Variants in CNTRL observed in about 807,000 individuals in gnomAD.
CNTRL encodes centriolin.
Under a neutral mutation model 303.7 loss-of-function variants are expected in CNTRL, and 233 were observed. The ratio of observed to expected loss-of-function variants is 0.77; its 90% CI spans 0.69 to 0.86. The LOEUF (loss-of-function observed/expected upper bound fraction) is 0.86. Ranked by LOEUF, CNTRL falls within the 40% of genes least tolerant of loss-of-function variation. CNTRL has a pLI of 0.00. For missense variants in CNTRL, 2,524 were observed against 2,650.6 expected (o/e 0.95, Z 1.05); for synonymous variants, 900 against 922.2 (o/e 0.98, Z 0.44).
intron 32 of CNTRL, chr9:121,161,297 G>A (rs1359380522): frequency 4.6e-6 from 2 of 438,986 alleles, no homozygotes; most frequent in Non-Finnish European, 8.5e-6. Flanking sequence ...TCTACAGTAA[G>A]CAAGTATCTC....
chr9:121,170,477 A>G (rs538369819), intron 39 of CNTRL, among the ~76,000 whole-genome samples: 1 of 151,534 alleles, frequency 6.6e-6, no homozygotes, highest in African/African-American at 2.4e-5. Context: ...TATTTTCAAG[A>G]CAGAGTCTTG....
rs1444044310 is a variant in CNTRL at position 121,135,983 on chromosome 9, G to A, written c.2202+1G>A. On this transcript the variant is annotated splice_donor_variant, in intron 15 of 43. Coordinates refer to ENST00000373855, the MANE Select transcript of CNTRL (RefSeq NM_007018.6). LOFTEE classifies it high-confidence loss of function. ...GGAAAAAGTAACAAGACTTACCCAG[G>A]TAAGTAGGAGCATGAAGCCAACTGC... 6.3e-7 allele frequency: 1 copy of A among 1,592,922 alleles called. No homozygotes were observed. Among genetic ancestry groups the A allele is most frequent in the Admixed American group, 1.7e-5 (1 of 58,228 alleles).
intron 7 of CNTRL, among the ~76,000 whole-genome samples, chr9:121,106,523 G>C (rs1003472808): frequency 6.6e-6 from 1 of 152,040 alleles, no homozygotes; most frequent in African/African-American, 2.4e-5. Context: ...TGTTGCTGTG[G>C]TGGTGGGAAA....
Position 121,124,024 on chromosome 9 carries a change from C to G in CNTRL, c.1744C>G (p.Leu582Val), listed in dbSNP as rs2050375008. The change falls in exon 13 of 44, where the codon CTT becomes GTT. Residue 582 changes from leucine to valine, a missense_variant. Leu to Val is a conservative substitution (Grantham distance 32). Transcript: ENST00000373855. ...QQLESRLDEI[L>V]SRIAKETEEI... ...ACTTGAAAGTCGTTTGGATGAGATA[C>G]TTTCTAGAATTGCTAAGGAAACGGA... 6.2e-7 allele frequency: 1 copy of G among 1,612,668 alleles called. No individual in the cohort carries two copies. Among genetic ancestry groups the G allele is most frequent in the Non-Finnish European group, 8.5e-7 (1 of 1,179,398 alleles).
chr9:121,089,858 T>C (rs1234430688), intron 3 of CNTRL, among the ~76,000 whole-genome samples: 2 of 152,122 alleles, frequency 1.3e-5, no homozygotes, highest in African/African-American at 4.8e-5. Flanking sequence ...ATATTAATAA[T>C]TTCTATCTCA....
intron 2 of CNTRL, among the ~76,000 whole-genome samples, chr9:121,082,969 CAAA>C (rs71370624): frequency 9.1e-6 from 1 of 109,870 alleles, no homozygotes; most frequent in African/African-American, 3.8e-5. Flanking sequence ...GACTCCCTCT[CAAA>C]AAAAAAAAAA....
At chr9:121,085,728 TAATTCCCTTTAACG>T (rs1347652257) in intron 2 of CNTRL, among the ~76,000 whole-genome samples, 2 of 152,196 alleles carry the variant, frequency 1.3e-5, no homozygotes, top group Admixed American at 6.5e-5. Flanking sequence ...AGAGGATGTT[TAATTCCCTTTAACG>T]AATTCCCTTT....
At chr9:121,110,380 A>G (rs1036884535) in intron 8 of CNTRL, among the ~76,000 whole-genome samples, 4 of 152,280 alleles carry the variant, frequency 2.6e-5, no homozygotes, top group Non-Finnish European at 5.9e-5. Context: ...CAGAATGACA[A>G]TAAAATACAT....
At chr9:121,148,410 A>G (rs2052007371) in intron 23 of CNTRL, among the ~76,000 whole-genome samples, 1 of 152,162 alleles carries the variant, frequency 6.6e-6, no homozygotes, top group Admixed American at 6.5e-5. Flanking sequence ...CATTACCCAC[A>G]TAGCCCTCCT....
intron 2 of CNTRL, among the ~76,000 whole-genome samples, chr9:121,084,886 C>G (rs879299612): frequency 6.6e-6 from 1 of 152,124 alleles, no homozygotes; most frequent in African/African-American, 2.4e-5. Flanking sequence ...CAGTGCTAAA[C>G]CATTCTGAGC....
intron 40 of CNTRL, among the ~76,000 whole-genome samples, chr9:121,172,927 T>C (rs951056274): frequency 1.7e-4 from 26 of 152,210 alleles, no homozygotes; most frequent in Non-Finnish European, 3.2e-4. Context: ...GTCATACTGG[T>C]AATACTGGAA....
Position 121,162,137 on chromosome 9 carries a change from G to A in CNTRL, c.5289G>A (p.Arg1763=). The change falls in exon 34 of 44, where the codon AGG becomes AGA. Residue 1763 remains arginine (R), a synonymous_variant. Transcript: ENST00000373855. Reference sequence around the variant, plus strand: ...AGTGGCAGAAGCAGCTCCTTGAGAGGGATAAACGAGAAATAGAACGAATGA... The same window carrying A: ...AGTGGCAGAAGCAGCTCCTTGAGAGAGATAAACGAGAAATAGAACGAATGA... ...EIEWQKQLLE[R]DKREIERMTA... is the part of the protein sequence containing the mutation. 6.2e-7 allele frequency: 1 copy of A among 1,614,132 alleles called. No individual in the cohort carries two copies. The highest frequency in any genetic ancestry group is 1.3e-5 in the African/African-American group (1 of 75,038).
intron 8 of CNTRL, among the ~76,000 whole-genome samples, 196 bp downstream of exon 8, chr9:121,108,191 A>G (rs1463603951): frequency 1.3e-5 from 2 of 152,200 alleles, no homozygotes; most frequent in Non-Finnish European, 2.9e-5. Flanking sequence ...TGCTGTCTTG[A>G]GCTGCATTAT....
At chr9:121,100,853 G>A (rs2049128177) in intron 7 of CNTRL, among the ~76,000 whole-genome samples, 1 of 152,218 alleles carries the variant, frequency 6.6e-6, no homozygotes, top group African/African-American at 2.4e-5. Flanking sequence ...TCAACAGGAA[G>A]AGCTAACTAT....
At position 121,113,740 on chromosome 9, in the gene CNTRL, T is replaced by G; in HGVS notation, c.1345+16T>G. 1 of 1,443,154 alleles carries G rather than the reference T, an allele frequency of 6.9e-7. No individual in the cohort carries two copies. 89.4% of individuals were successfully genotyped at this position (1,443,154 alleles called of 1,614,324 possible). On this transcript the variant is annotated intron_variant, in intron 10 of 43. Coordinates refer to ENST00000373855, the MANE Select transcript of CNTRL (RefSeq NM_007018.6). ...ATAAGTGCAGGTTAAAAAAAGTTAT[T>G]TTAAATTCTTTAAAAAAAAATATGA...
In CNTRL at chr9:121,163,061, CA is replaced by C. The variant is rs542738950; in HGVS notation, c.5423+791del. 6.6e-5 allele frequency among the ~76,000 whole-genome samples: 10 copies of C among 151,764 alleles called. No homozygotes were observed. In the South Asian group the frequency reaches 1.5e-3, roughly 22 times the overall value. On this transcript the variant is annotated intron_variant, in intron 34 of 43. Transcript: ENST00000373855. ...TATAAATATGAATTTAAAATGAGGC[CA>C]GGCACGTTGGCTCATGCCAGTAATC...
chr9:121,150,380 C>T lies in CNTRL; in HGVS notation c.3860C>T (p.Pro1287Leu). Residue 1287 changes from proline (P) to leucine (L), a missense_variant, in exon 25 of 44, where the codon CCT becomes CTT. Transcript: ENST00000373855. Reference protein sequence around the residue: ...TPGTVVYGPPPAGAPMVYGPP... With the variant: ...TPGTVVYGPPLAGAPMVYGPP... ...GGCACTGTTGTTTATGGCCCACCTC[C>T]TGCTGGGGCCCCCATGGTGTATGGG... 1 of 1,614,172 alleles carries T rather than the reference C, an allele frequency of 6.2e-7. No homozygotes were observed. Among genetic ancestry groups the T allele is most frequent in the Non-Finnish European group, 8.5e-7 (1 of 1,180,010 alleles).
At chr9:121,159,081 G>T in intron 31 of CNTRL, 62 bp downstream of exon 31, 5 of 1,436,620 alleles carry the variant, frequency 3.5e-6, no homozygotes, top group Non-Finnish European at 4.7e-6. Flanking sequence ...TTACTTTGAT[G>T]TATTTTCATT....
At chr9:121,134,071 C>T (rs2051035592) in intron 14 of CNTRL, among the ~76,000 whole-genome samples, 1 of 152,142 alleles carries the variant, frequency 6.6e-6, no homozygotes. Context: ...GTTTGGTGAA[C>T]ATCTGTGAAC....
Sources: allele counts gnomAD v4.1 joint callset (sites outside exome capture counted in the v4.1 genomes callset), GRCh38; gene constraint gnomAD v4.1.1; transcripts MANE v1.5; gene names NCBI Gene and HGNC (gene_info 2026-07-23, HGNC 2026-07-21).